The following PRDM11 variants were observed in gnomAD, a reference collection of about 807,000 sequenced individuals.
PRDM11 encodes PR/SET domain 11, also known as PR domain-containing protein 11.
PRDM11 carries 20 observed loss-of-function variants against 97.8 expected under a neutral mutation model. The ratio of observed to expected loss-of-function variants is 0.20; its 90% CI spans 0.14 to 0.30. The LOEUF (loss-of-function observed/expected upper bound fraction) is 0.30. Among genes scored for constraint, PRDM11 ranks in the 10% least tolerant of loss-of-function variants. PRDM11 has a pLI of 1.00. For missense variants in PRDM11, 1,139 were observed against 1,555.2 expected (o/e 0.73, Z 4.50); for synonymous variants, 599 against 637.7 (o/e 0.94, Z 0.91).
Position 45,231,291 on chromosome 11 carries a change from C to T in PRDM11, c.*3132C>T, listed in dbSNP as rs1854394902. On this transcript the variant is annotated 3_prime_UTR_variant, in exon 8 of 8. Coordinates refer to ENST00000683152, the MANE Select transcript of PRDM11 (RefSeq NM_001384648.1). ...GATTACCCATGATTTCTGTCATAGG[C>T]ATTTCCCACTCTTCTGCTTGCTTGA... 6.6e-6 allele frequency: 1 copy of T among 152,228 alleles called. No homozygotes were observed. The highest frequency in any genetic ancestry group is 2.1e-4 in the South Asian group (1 of 4,822). The allele number at this position is 152,228 out of a possible 1,614,324, so 9.4% of individuals were successfully genotyped here.
intron 1 of PRDM11, among the ~76,000 whole-genome samples, chr11:45,178,564 T>C (rs2135728844): frequency 6.6e-6 from 1 of 152,370 alleles, no homozygotes; most frequent in South Asian, 2.1e-4. Context: ...CTGTTTTTCC[T>C]GCTGACGTCT....
Position 45,229,126 on chromosome 11 carries a change from A to G in PRDM11, c.*967A>G, listed in dbSNP as rs952900572. The G allele has an allele frequency of 6.6e-6, 1 of 152,226 alleles. No homozygotes were observed. The highest frequency in any genetic ancestry group is 2.4e-5 in the African/African-American group (1 of 41,458). The allele number at this position is 152,226 out of a possible 1,614,324, so 9.4% of individuals were successfully genotyped here. Reference sequence around the variant, plus strand: ...TTTGGCTAAAAAACAAGGAAAATGAAAAGTACATATTCGAGTTACATGGAT... The same window carrying G: ...TTTGGCTAAAAAACAAGGAAAATGAGAAGTACATATTCGAGTTACATGGAT... On this transcript the variant is annotated 3_prime_UTR_variant, in exon 8 of 8. Coordinates refer to ENST00000683152, the MANE Select transcript of PRDM11 (RefSeq NM_001384648.1).
At chr11:45,207,526 C>T (rs955523753) in intron 5 of PRDM11, among the ~76,000 whole-genome samples, 4 of 152,146 alleles carry the variant, frequency 2.6e-5, no homozygotes, top group Non-Finnish European at 5.9e-5. Flanking sequence ...CACAGGACAC[C>T]CCTTCCCCCC....
At chr11:45,136,989 CAAAA>C (rs759854361) in intron 1 of PRDM11, among the ~76,000 whole-genome samples, 1 of 110,066 alleles carries the variant, frequency 9.1e-6, no homozygotes, top group Non-Finnish European at 2.0e-5. Flanking sequence ...ACTAAAAATA[CAAAA>C]AAAAAAAAAA....
Position 45,208,748 on chromosome 11 carries a change from G to A in PRDM11, c.554+3970G>A, listed in dbSNP as rs1407882826. 6 of 356,016 alleles carry A rather than the reference G, an allele frequency of 1.7e-5. No homozygotes were observed. The East Asian group carries it at 4.5e-4, about 27-fold the overall frequency. The allele number at this position is 356,016 out of a possible 1,614,324, so 22.1% of individuals were successfully genotyped here. A position where few individuals can be genotyped will look rare whatever the true frequency, so the allele number is the denominator to read the frequency against. On this transcript the variant is annotated intron_variant, in intron 5 of 7. Coordinates refer to ENST00000683152, the MANE Select transcript of PRDM11 (RefSeq NM_001384648.1). ...AGGGACCTCTCAGTAGGAGGAGGGT[G>A]TGGTGGGGGCCAGGTTGCCCCAGGT...
In PRDM11 at chr11:45,225,236, A is replaced by T. The variant is rs1273728293; in HGVS notation, c.1369+393A>T. 3 of 806,272 alleles carry T rather than the reference A, an allele frequency of 3.7e-6. No homozygotes were observed. The African/African-American group carries it at 5.3e-5, about 14-fold the overall frequency. The allele number at this position is 806,272 out of a possible 1,614,324, so 49.9% of individuals were successfully genotyped here. On this transcript the variant is annotated intron_variant, in intron 7 of 7. Coordinates refer to ENST00000683152, the MANE Select transcript of PRDM11 (RefSeq NM_001384648.1). Reference sequence around the variant, plus strand: ...AGAGATCTCTTGGCTTCCCTAACTTAGTCCAGGAACACAGCCTTGTTCTTC... The same window carrying T: ...AGAGATCTCTTGGCTTCCCTAACTTTGTCCAGGAACACAGCCTTGTTCTTC...
chr11:45,228,551 G>A lies in PRDM11; in HGVS notation c.*392G>A, dbSNP rs1395401970. On this transcript the variant is annotated 3_prime_UTR_variant, in exon 8 of 8. Transcript: ENST00000683152. ...CATTTTGTTTATGTTTTCATTTGCG[G>A]GTGGCGGGGCTCTGGGTTTGGGTTT... is the stretch of plus-strand genomic sequence containing the variant. The A allele has an allele frequency of 1.3e-5, 2 of 151,952 alleles. No homozygotes were observed. The highest frequency in any genetic ancestry group is 1.9e-4 in the East Asian group (1 of 5,172). The allele number at this position is 151,952 out of a possible 1,614,324, so 9.4% of individuals were successfully genotyped here.
At chr11:45,144,481 A>G (rs912385218), upstream of PRDM11, among the ~76,000 whole-genome samples, 1 of 152,086 alleles carries the variant, frequency 6.6e-6, no homozygotes, top group Admixed American at 6.5e-5. Flanking sequence ...TTAAATAGAA[A>G]ACCAATGCCA....
rs369079055 is a variant in PRDM11 at position 45,219,542 on chromosome 11, G to A, written c.555-28G>A. ...GCACTCAACAAAGGGTGGCCCGTGC[G>A]TTCTCACCTGTCTCCCCTCCCCACC... On this transcript the variant is annotated intron_variant, in intron 5 of 7. Coordinates refer to ENST00000683152, the MANE Select transcript of PRDM11 (RefSeq NM_001384648.1). The surrounding 1 kb of genome is among the most constrained non-coding windows in gnomAD (Gnocchi z 4.2). The A allele has an allele frequency of 1.3e-5, 21 of 1,595,128 alleles. No homozygotes were observed. The highest frequency in any genetic ancestry group is 4.5e-5 in the South Asian group (4 of 89,538).
intron 5 of PRDM11, chr11:45,216,321 T>G (rs1362314554): frequency 2.8e-5 from 4 of 142,274 alleles, no homozygotes. Flanking sequence ...CAAACCTCCT[T>G]GCAAAGAGCT....
chr11:45,122,836 T>C (rs1264379853), intron 1 of PRDM11, among the ~76,000 whole-genome samples: 1 of 152,218 alleles, frequency 6.6e-6, no homozygotes, highest in Non-Finnish European at 1.5e-5. Flanking sequence ...GCATGATTTA[T>C]AGTCCTTTGG....
At chr11:45,103,051 C>T (rs1852005932) in intron 1 of PRDM11, among the ~76,000 whole-genome samples, 1 of 152,234 alleles carries the variant, frequency 6.6e-6, no homozygotes, top group South Asian at 2.1e-4. Flanking sequence ...ACCCAAGTCT[C>T]TCTACTCCCA....
intron 4 of PRDM11, among the ~76,000 whole-genome samples, chr11:45,199,869 G>C (rs1360996392): frequency 1.3e-5 from 2 of 152,168 alleles, no homozygotes; most frequent in African/African-American, 4.8e-5. Flanking sequence ...TCTTCTCTAA[G>C]ATCTCAGCTT....
In PRDM11 at chr11:45,224,862, G is replaced by C; in HGVS notation, c.1369+19G>C. On this transcript the variant is annotated intron_variant, in intron 7 of 7. Coordinates refer to ENST00000683152, the MANE Select transcript of PRDM11 (RefSeq NM_001384648.1). ...CCTGCAGGTAAGTTGGTTTGGATGA[G>C]ATTATTGTCGGAGGGCAGAGTACGC... is the stretch of plus-strand genomic sequence containing the variant. 6.2e-7 allele frequency: 1 copy of C among 1,611,456 alleles called. No homozygotes were observed.
chr11:45,150,179 C>T (rs1227479451), intron 1 of PRDM11, among the ~76,000 whole-genome samples: 1 of 152,162 alleles, frequency 6.6e-6, no homozygotes, highest in Non-Finnish European at 1.5e-5. Context: ...TTGCATTCCA[C>T]CCCCTCTCCT....
chr11:45,213,936 C>T lies in PRDM11; in HGVS notation c.555-5634C>T. The T allele has an allele frequency of 8.5e-6, 3 of 352,034 alleles. No individual in the cohort carries two copies. In the Middle Eastern group the frequency reaches 2.9e-3, roughly 342 times the overall value. The allele number at this position is 352,034 out of a possible 1,614,324, so 21.8% of individuals were successfully genotyped here. Reference sequence around the variant, plus strand: ...GCCTCTGCCCCTTGCCAGGCCTCTGCCCCCTGTATCTCTGCTTCTGCCTCA... The same window carrying T: ...GCCTCTGCCCCTTGCCAGGCCTCTGTCCCCTGTATCTCTGCTTCTGCCTCA... On this transcript the variant is annotated intron_variant, in intron 5 of 7. Coordinates refer to ENST00000683152, the MANE Select transcript of PRDM11 (RefSeq NM_001384648.1).
chr11:45,182,753 CA>C, intron 3 of PRDM11, 107 bp from the exon 4 acceptor site: 1 of 1,347,754 alleles, frequency 7.4e-7, no homozygotes, highest in Admixed American at 2.3e-5. Context: ...CTGGGGCCTG[CA>C]GCTGGCTGTC....
intron 4 of PRDM11, among the ~76,000 whole-genome samples, chr11:45,187,332 G>A (rs1852741062): frequency 6.6e-6 from 1 of 152,186 alleles, no homozygotes; most frequent in Non-Finnish European, 1.5e-5. Context: ...GAAAATTGCA[G>A]GAGAAAAAAT....
At chr11:45,118,430 T>G (rs963022969) in intron 1 of PRDM11, among the ~76,000 whole-genome samples, 1 of 152,134 alleles carries the variant, frequency 6.6e-6, no homozygotes, top group African/African-American at 2.4e-5. Flanking sequence ...CTTCAAAAAA[T>G]AAAATCTACC....
Sources: allele counts gnomAD v4.1 joint callset (sites outside exome capture counted in the v4.1 genomes callset), GRCh38; gene constraint gnomAD v4.1.1; non-coding constraint Gnocchi (gnomAD v3.1); transcripts MANE v1.5; gene names NCBI Gene and HGNC (gene_info 2026-07-23, HGNC 2026-07-21).